Variants in TRPM3 observed in about 807,000 individuals in gnomAD.
The protein encoded by TRPM3 is transient receptor potential cation channel subfamily M member 3.
TRPM3 carries 77 observed loss-of-function variants against 181.2 expected under a neutral mutation model. That is an observed-to-expected ratio of 0.42 (90% CI 0.35 to 0.51). The LOEUF (loss-of-function observed/expected upper bound fraction) is 0.51, where lower values mean the gene tolerates loss of function less well. Ranked by LOEUF, TRPM3 falls within the 20% of genes least tolerant of loss-of-function variation. TRPM3 has a pLI of 0.01. For missense variants in TRPM3, 1,759 were observed against 2,196.7 expected (o/e 0.80, Z 3.98); for synonymous variants, 745 against 796.4 (o/e 0.94, Z 1.09).
chr9:70,969,279 TG>T (rs1305958995), intron 1 of TRPM3, among the ~76,000 whole-genome samples: 1 of 146,278 alleles, frequency 6.8e-6, no homozygotes, highest in African/African-American at 2.6e-5. Flanking sequence ...TCTCAGGGGG[TG>T]GGGGGCTAGG....
In TRPM3 at chr9:70,776,605, T is replaced by C. The variant is rs545279139; in HGVS notation, c.1148+7500A>G. 7.3e-5 allele frequency: 40 copies of C among 545,002 alleles called. No individual in the cohort carries two copies. In the African/African-American group the frequency reaches 7.9e-4, roughly 11 times the overall value. The allele number at this position is 545,002 out of a possible 1,614,324, so 33.8% of individuals were successfully genotyped here. The stretch of plus-strand genomic sequence containing the variant: ...TCTGTCAGTCCTGTCAAAATGAGTA[T>C]TTTTATGGCACAGCTTGCTTTTCAG... On this transcript the variant is annotated intron_variant, in intron 7 of 25. Coordinates refer to ENST00000677713, the MANE Select transcript of TRPM3 (RefSeq NM_001366145.2).
intron 7 of TRPM3, among the ~76,000 whole-genome samples, chr9:70,762,854 C>T (rs532135035): frequency 6.6e-6 from 1 of 152,278 alleles, no homozygotes; most frequent in East Asian, 1.9e-4. Flanking sequence ...CTCTTTCCAC[C>T]ACACCATGTT....
chr9:71,314,753 G>T (rs529003716), intron 1 of TRPM3, among the ~76,000 whole-genome samples: 1 of 152,106 alleles, frequency 6.6e-6, no homozygotes, highest in Non-Finnish European at 1.5e-5. Flanking sequence ...TAATTTGAGG[G>T]CCCTGGGCTG....
chr9:70,880,580 T>C (rs1055898693), intron 1 of TRPM3, among the ~76,000 whole-genome samples: 1 of 152,134 alleles, frequency 6.6e-6, no homozygotes, highest in Admixed American at 6.6e-5. Context: ...GTGTGTATAG[T>C]TGTGTGCACC....
chr9:71,143,027 G>A (rs1322621315), intron 1 of TRPM3, among the ~76,000 whole-genome samples: 2 of 150,620 alleles, frequency 1.3e-5, no homozygotes, highest in African/African-American at 4.9e-5. Flanking sequence ...GCACATGCCT[G>A]TAGTTCCGGC....
intron 5 of TRPM3, among the ~76,000 whole-genome samples, chr9:70,836,860 C>G (rs2094355376): frequency 6.6e-6 from 1 of 152,210 alleles, no homozygotes; most frequent in Admixed American, 6.5e-5. Context: ...ATCTCACATA[C>G]TCACTGGCCT....
intron 1 of TRPM3, among the ~76,000 whole-genome samples, chr9:71,376,067 A>G (rs1190492985): frequency 6.6e-6 from 1 of 152,116 alleles, no homozygotes; most frequent in Non-Finnish European, 1.5e-5. Flanking sequence ...GCATTTAGAT[A>G]CTGCCTGACA....
chr9:70,604,943 T>C (rs2060742739), intron 19 of TRPM3, among the ~76,000 whole-genome samples: 1 of 140,352 alleles, frequency 7.1e-6, no homozygotes. Context: ...TGAGCCACCA[T>C]GCTCAGCTGA....
chr9:71,267,399 G>A (rs1347276337), intron 1 of TRPM3, among the ~76,000 whole-genome samples: 1 of 152,210 alleles, frequency 6.6e-6, no homozygotes, highest in East Asian at 1.9e-4. Flanking sequence ...TCTGACCCCA[G>A]TAAGTGGCTG....
chr9:71,194,291 C>G (rs567748990), intron 1 of TRPM3, among the ~76,000 whole-genome samples: 20 of 151,954 alleles, frequency 1.3e-4, no homozygotes, highest in African/African-American at 4.6e-4. Context: ...TATATGGCAA[C>G]CAGGAGGATT....
intron 1 of TRPM3, among the ~76,000 whole-genome samples, chr9:71,322,365 T>C (rs1436554662): frequency 2.0e-5 from 3 of 152,146 alleles, no homozygotes; most frequent in African/African-American, 4.8e-5. Context: ...CCATAAAATA[T>C]CGTTATTTAA....
At chr9:71,393,967 G>A (rs767794684) in intron 1 of TRPM3, among the ~76,000 whole-genome samples, 6 of 152,156 alleles carry the variant, frequency 3.9e-5, no homozygotes, top group Non-Finnish European at 8.8e-5. Context: ...GTCTTCAGGA[G>A]GTCTGGAGAC....
At chr9:71,293,950 T>C (rs968896960) in intron 1 of TRPM3, among the ~76,000 whole-genome samples, 3 of 151,930 alleles carry the variant, frequency 2.0e-5, no homozygotes, top group Non-Finnish European at 2.9e-5. Context: ...TCAATAATTA[T>C]CCAGAATAAT....
intron 1 of TRPM3, among the ~76,000 whole-genome samples, chr9:71,032,990 T>C (rs1041001714): frequency 2.0e-5 from 3 of 152,250 alleles, no homozygotes; most frequent in Non-Finnish European, 2.9e-5. Context: ...TTATTGATTA[T>C]AAGCAGAGTT....
chr9:71,006,014 C>T (rs1205992883), intron 1 of TRPM3, among the ~76,000 whole-genome samples: 2 of 152,058 alleles, frequency 1.3e-5, no homozygotes, highest in Non-Finnish European at 2.9e-5. Flanking sequence ...CTTGAAACAT[C>T]AAAAAGTCAA....
At chr9:70,681,815 A>G (rs1188455994) in intron 8 of TRPM3, among the ~76,000 whole-genome samples, 1 of 152,196 alleles carries the variant, frequency 6.6e-6, no homozygotes, top group Non-Finnish European at 1.5e-5. Context: ...GGTCATAACC[A>G]TATACACCCC....
At position 71,042,136 on chromosome 9, in the gene TRPM3, G is replaced by T. The variant is rs79106457; in HGVS notation, c.177+79042C>A. 4.9e-3 allele frequency among the ~76,000 whole-genome samples: 749 copies of T among 151,990 alleles called. 19 individuals are homozygous for T. In the East Asian group the frequency reaches 0.078, roughly 16 times the overall value. The stretch of plus-strand genomic sequence containing the variant: ...AGCTTAGACAACTTTATTTTTAGCA[G>T]CTGGCTTTGTCTGTTCCATAACCAT... On this transcript the variant is annotated intron_variant, in intron 1 of 25. Coordinates refer to ENST00000677713, the MANE Select transcript of TRPM3 (RefSeq NM_001366145.2).
At chr9:71,013,134 A>G (rs984342328) in intron 1 of TRPM3, among the ~76,000 whole-genome samples, 1 of 152,006 alleles carries the variant, frequency 6.6e-6, no homozygotes, top group African/African-American at 2.4e-5. Flanking sequence ...ATTAATTCCT[A>G]TTTTGTTGAT....
intron 8 of TRPM3, among the ~76,000 whole-genome samples, chr9:70,698,730 C>T (rs1253955317): frequency 6.6e-6 from 1 of 152,008 alleles, no homozygotes; most frequent in Non-Finnish European, 1.5e-5. Context: ...TGGTTTAGCA[C>T]CATCCCCCCT....
Sources: allele counts gnomAD v4.1 joint callset (sites outside exome capture counted in the v4.1 genomes callset), GRCh38; gene constraint gnomAD v4.1.1; transcripts MANE v1.5; gene names NCBI Gene and HGNC (gene_info 2026-07-23, HGNC 2026-07-21).